RXRB: variants seen among roughly 807,000 people sequenced by gnomAD.
RXRB encodes the protein retinoic acid receptor RXR-beta.
Under a neutral mutation model 52.5 loss-of-function variants are expected in RXRB, and 18 were observed. The observed-to-expected ratio is 0.34, with a 90% CI of 0.24 to 0.51. The LOEUF is 0.51. Ranked by LOEUF, RXRB falls within the 20% of genes least tolerant of loss-of-function variation. The probability of loss-of-function intolerance (pLI) is 0.97; values close to 1 mark genes in which losing one functional copy is unlikely to be tolerated. For missense variants in RXRB, 455 were observed against 698.2 expected (o/e 0.65, Z 3.92); for synonymous variants, 233 against 267.1 (o/e 0.87, Z 1.25).
At chr6:33,200,826 A>G (rs749435836), upstream of RXRB, 40 of 1,508,128 alleles carry the variant, frequency 2.7e-5, 3 homozygotes, top group Middle Eastern at 6.9e-4. This position sits in a 1 kb window ranked among gnomAD's most constrained non-coding sequence, Gnocchi z 6.3. Flanking sequence ...GAGTGCCGCC[A>G]TATTGGTAAA....
intron 2 of RXRB, among the ~76,000 whole-genome samples, chr6:33,198,913 C>CAAAAA (rs9280361): frequency 4.0e-5 from 3 of 74,104 alleles, no homozygotes; most frequent in Admixed American, 1.5e-4. Context: ...GACTCCATCT[C>CAAAAA]AAAAAAAAAA....
At position 33,195,387 on chromosome 6, in the gene RXRB, T is replaced by G. The variant is rs936888047; in HGVS notation, c.1324A>C (p.Arg442=). The G allele has an allele frequency of 6.2e-7, 1 of 1,611,674 alleles. No homozygotes were observed. Among genetic ancestry groups the G allele is most frequent in the African/African-American group, 1.3e-5 (1 of 74,916 alleles). The change falls in exon 8 of 10, where the codon AGG becomes CGG. Residue 442 remains arginine (R), a synonymous_variant. Coordinates refer to ENST00000374680, the MANE Select transcript of RXRB (RefSeq NM_021976.5). This position sits in a 1 kb window ranked among gnomAD's most constrained non-coding sequence, Gnocchi z 8.6. ...RMDKTELGCL[R]AIILFNPDAK... ...CCTGGATTAAACAGAATGATTGCCC[T>G]CAGGCAGCCAAGCTCTGTCTTGTCC...
chr6:33,198,775 G>A (rs1315075740), intron 2 of RXRB: 5 of 496,638 alleles, frequency 1.0e-5, no homozygotes, highest in Admixed American at 6.3e-5. Context: ...TTAGCCGGGC[G>A]TGGTGGTAGG....
chr6:33,193,738 C>G lies in RXRB; in HGVS notation c.*944G>C, dbSNP rs1773608179. 1 of 152,218 alleles carries G rather than the reference C, an allele frequency of 6.6e-6. No individual in the cohort carries two copies. Among genetic ancestry groups the G allele is most frequent in the Non-Finnish European group, 1.5e-5 (1 of 68,062 alleles). 9.4% of individuals were successfully genotyped at this position (152,218 alleles called of 1,614,324 possible). A position where few individuals can be genotyped will look rare whatever the true frequency, so the allele number is the denominator to read the frequency against. On this transcript the variant is annotated 3_prime_UTR_variant, in exon 10 of 10. Coordinates refer to ENST00000374680, the MANE Select transcript of RXRB (RefSeq NM_021976.5). ...CTCCCCTCAATTCTCAGGCCAGGAT[C>G]CTGTGTCCCCAGCCTATGCTATGTG... is the stretch of plus-strand genomic sequence containing the variant.
Position 33,200,176 on chromosome 6 carries a change from G to T in RXRB, c.235+66C>A. On this transcript the variant is annotated intron_variant, in intron 1 of 9. Coordinates refer to ENST00000374680, the MANE Select transcript of RXRB (RefSeq NM_021976.5). This position sits in a 1 kb window ranked among gnomAD's most constrained non-coding sequence, Gnocchi z 6.3. Reference sequence around the variant, plus strand: ...CGCAAGGAAAAGAGCACCGGGGGAGGGTGTGGGGGAGGGGTCGCAGATAAA... The same window carrying T: ...CGCAAGGAAAAGAGCACCGGGGGAGTGTGTGGGGGAGGGGTCGCAGATAAA... 6.4e-7 allele frequency: 1 copy of T among 1,573,630 alleles called. No homozygotes were observed.
Position 33,200,221 on chromosome 6 carries a change from C to T in RXRB, c.235+21G>A. ...GATAAAGCGGTCACTGGCTCGCCTGCCCTTCTGCTGGGGCACTCACCCCGC... is the reference window on the plus strand; with the variant it reads ...GATAAAGCGGTCACTGGCTCGCCTGTCCTTCTGCTGGGGCACTCACCCCGC... On this transcript the variant is annotated intron_variant, in intron 1 of 9. Transcript: ENST00000374680. This position sits in a 1 kb window ranked among gnomAD's most constrained non-coding sequence, Gnocchi z 6.3. The T allele has an allele frequency of 1.2e-6, 2 of 1,602,826 alleles. No homozygotes were observed. Among genetic ancestry groups the T allele is most frequent in the Non-Finnish European group, 1.7e-6 (2 of 1,175,822 alleles).
chr6:33,195,925 C>T lies in RXRB; in HGVS notation c.1105G>A (p.Val369Ile), dbSNP rs1382351847. The T allele has an allele frequency of 6.2e-7, 1 of 1,612,860 alleles. No homozygotes were observed. The highest frequency in any genetic ancestry group is 1.1e-5 in the South Asian group (1 of 91,070). Reference sequence around the variant, plus strand: ...CACTGACCTGCCCGCAGCAATATGACCTGATCATCCAGAGGCAAGGAGGAA... The same window carrying T: ...CACTGACCTGCCCGCAGCAATATGATCTGATCATCCAGAGGCAAGGAGGAA... ...HFSSLPLDDQ[V>I]ILLRAGWNEL... Residue 369 changes from valine to isoleucine, a missense_variant, in exon 6 of 10, where the codon GTC becomes ATC. By Grantham distance (29) the Val-to-Ile change is conservative. Transcript: ENST00000374680. The surrounding 1 kb of genome is among the most constrained non-coding windows in gnomAD (Gnocchi z 8.6).
At position 33,196,299 on chromosome 6, in the gene RXRB, T is replaced by C; in HGVS notation, c.993+135A>G. On this transcript the variant is annotated intron_variant, in intron 5 of 9. Transcript: ENST00000374680. This position sits in a 1 kb window ranked among gnomAD's most constrained non-coding sequence, Gnocchi z 4.0. ...CACCTCAGATGTTTGAAAGACCTTG[T>C]TTGGCAGCACCTCCAGTCCCAAGTA... 3 of 1,058,662 alleles carry C rather than the reference T, an allele frequency of 2.8e-6. No homozygotes were observed. The highest frequency in any genetic ancestry group is 2.9e-6 in the Non-Finnish European group (2 of 682,700). 65.6% of individuals were successfully genotyped at this position (1,058,662 alleles called of 1,614,324 possible). A position where few individuals can be genotyped will look rare whatever the true frequency, so the allele number is the denominator to read the frequency against.
upstream of RXRB, chr6:33,200,757 C>G (rs1052936247): frequency 1.1e-5 from 17 of 1,541,660 alleles, no homozygotes; most frequent in Admixed American, 3.9e-5. This position sits in a 1 kb window ranked among gnomAD's most constrained non-coding sequence, Gnocchi z 6.3. Context: ...CCACCCTCCC[C>G]TCAAATCACC....
intron 2 of RXRB, 56 bp downstream of exon 2, chr6:33,199,111 TAC>T: frequency 8.1e-7 from 1 of 1,237,836 alleles, no homozygotes; most frequent in Non-Finnish European, 1.0e-6. Context: ...GATCTGGGGT[TAC>T]AAGGAAAACA....
chr6:33,194,548 G>A lies in RXRB; in HGVS notation c.*134C>T. On this transcript the variant is annotated 3_prime_UTR_variant, in exon 10 of 10. Transcript: ENST00000374680. This position sits in a 1 kb window ranked among gnomAD's most constrained non-coding sequence, Gnocchi z 4.1. The stretch of plus-strand genomic sequence containing the variant: ...CAAGCAGATCCCTTGGAGGGTTTAT[G>A]TTCTTGGTTCTGCCCTGTACTTCTC... The A allele has an allele frequency of 1.1e-6, 1 of 914,176 alleles. No individual in the cohort carries two copies. Among genetic ancestry groups the A allele is most frequent in the South Asian group, 1.9e-5 (1 of 52,786 alleles). 56.6% of individuals were successfully genotyped at this position (914,176 alleles called of 1,614,324 possible). A position where few individuals can be genotyped will look rare whatever the true frequency, so the allele number is the denominator to read the frequency against.
chr6:33,198,092 CCA>C lies in RXRB; in HGVS notation c.641-153_641-152del. 6 of 1,031,190 alleles carry C rather than the reference CCA, an allele frequency of 5.8e-6. No homozygotes were observed. In the South Asian group the frequency reaches 7.5e-5, roughly 13 times the overall value. 63.9% of individuals were successfully genotyped at this position (1,031,190 alleles called of 1,614,324 possible). On this transcript the variant is annotated intron_variant, in intron 3 of 9. Coordinates refer to ENST00000374680, the MANE Select transcript of RXRB (RefSeq NM_021976.5). ...CCAGGAGCTGAGTGATGATCCAGTC[CCA>C]GTCTCCTCACTGTTCAGAAACCCTA...
rs1252525269 is a variant in RXRB at position 33,196,218 on chromosome 6, C to G, written c.994-182G>C. On this transcript the variant is annotated intron_variant, in intron 5 of 9. Coordinates refer to ENST00000374680, the MANE Select transcript of RXRB (RefSeq NM_021976.5). The surrounding 1 kb of genome is among the most constrained non-coding windows in gnomAD (Gnocchi z 4.0). Reference sequence around the variant, plus strand: ...AAACAATTATTTATTTGGGACATGCCTATGGTTCTGCCAGTGGGTTGTTTG... The same window carrying G: ...AAACAATTATTTATTTGGGACATGCGTATGGTTCTGCCAGTGGGTTGTTTG... The G allele has an allele frequency of 3.2e-6, 3 of 944,288 alleles. No individual in the cohort carries two copies. The African/African-American group carries it at 4.9e-5, about 15-fold the overall frequency. 58.5% of individuals were successfully genotyped at this position (944,288 alleles called of 1,614,324 possible).
chr6:33,200,202 G>GCGGT lies in RXRB; in HGVS notation c.235+36_235+39dup, dbSNP rs1562422744. 1.3e-6 allele frequency: 2 copies of GCGGT among 1,598,142 alleles called. No homozygotes were observed. The highest frequency in any genetic ancestry group is 8.5e-7 in the Non-Finnish European group (1 of 1,172,732). ...GTGTGGGGGAGGGGTCGCAGATAAAGCGGTCACTGGCTCGCCTGCCCTTCT... is the reference window on the plus strand; with the variant it reads ...GTGTGGGGGAGGGGTCGCAGATAAAGCGGTCGGTCACTGGCTCGCCTGCCCTTCT... On this transcript the variant is annotated intron_variant, in intron 1 of 9. Transcript: ENST00000374680. This position sits in a 1 kb window ranked among gnomAD's most constrained non-coding sequence, Gnocchi z 6.3.
chr6:33,197,822 G>A lies in RXRB; in HGVS notation c.760C>T (p.Arg254Trp). ...TAGCGGCAGTACTGACAGCGGTTCC[G>A]CTGGCGCTTGTCCACTGTGCAGTCT... is the stretch of plus-strand genomic sequence containing the variant. ...NKDCTVDKRQ[R>W]NRCQYCRYQK... Residue 254 changes from arginine (R) to tryptophan (W), a missense_variant, in exon 4 of 10, where the codon CGG (arginine) becomes TGG (tryptophan). Around this residue, in one of 4 missense-constraint regions of RXRB, gnomAD observed 100 missense variants for 141.9 expected, o/e 0.70. Coordinates refer to ENST00000374680, the MANE Select transcript of RXRB (RefSeq NM_021976.5). This position sits in a 1 kb window ranked among gnomAD's most constrained non-coding sequence, Gnocchi z 4.4. 3 of 1,613,942 alleles carry A rather than the reference G, an allele frequency of 1.9e-6. No homozygotes were observed. Among genetic ancestry groups the A allele is most frequent in the Non-Finnish European group, 2.5e-6 (3 of 1,180,024 alleles).
Position 33,199,418 on chromosome 6 carries a change from T to C in RXRB, c.236-2A>G. ...AGGAGCTGTCTGGGCTTCGGGAGTCTGAGGGAGGGGTATGTACAGGCACAC... is the reference window on the plus strand; with the variant it reads ...AGGAGCTGTCTGGGCTTCGGGAGTCCGAGGGAGGGGTATGTACAGGCACAC... On this transcript the variant is annotated splice_acceptor_variant, in intron 1 of 9. Transcript: ENST00000374680. LOFTEE classifies it high-confidence loss of function. The C allele has an allele frequency of 1.6e-6, 2 of 1,252,322 alleles. No individual in the cohort carries two copies. Among genetic ancestry groups the C allele is most frequent in the Non-Finnish European group, 2.0e-6 (2 of 990,384 alleles). 77.6% of individuals were successfully genotyped at this position (1,252,322 alleles called of 1,614,324 possible).
In RXRB at chr6:33,199,320, G is replaced by A. The variant is rs1437474716; in HGVS notation, c.332C>T (p.Pro111Leu). Residue 111 changes from proline (P) to leucine (L), a missense_variant, in exon 2 of 10, where the codon CCA (proline) becomes CTA (leucine). Physicochemically the swap from Pro to Leu is moderately conservative, Grantham distance 98 (BLOSUM62 -3). Coordinates refer to ENST00000374680, the MANE Select transcript of RXRB (RefSeq NM_021976.5). Reference protein sequence around the residue: ...PGPPLPPSTAPSLGGSGAPPP... With the variant: ...PGPPLPPSTALSLGGSGAPPP... ...TGGGGCCCCAGAGCCTCCAAGGGAT[G>A]GAGCTGTTGAAGGGGGTAGGGGTGG... The A allele has an allele frequency of 4.2e-6, 5 of 1,185,548 alleles. No homozygotes were observed. The highest frequency in any genetic ancestry group is 8.3e-5 in the Admixed American group (2 of 24,000). 73.4% of individuals were successfully genotyped at this position (1,185,548 alleles called of 1,614,324 possible). A position where few individuals can be genotyped will look rare whatever the true frequency, so the allele number is the denominator to read the frequency against.
rs776428083 is a variant in RXRB at position 33,196,799 on chromosome 6, C to T, written c.821-193G>A. Among the ~76,000 whole-genome samples the T allele has an allele frequency of 1.3e-5, 2 of 151,404 alleles. No homozygotes were observed. Among genetic ancestry groups the T allele is most frequent in the African/African-American group, 4.9e-5 (2 of 41,116 alleles). On this transcript the variant is annotated intron_variant, in intron 4 of 9. Transcript: ENST00000374680. This position sits in a 1 kb window ranked among gnomAD's most constrained non-coding sequence, Gnocchi z 4.0. ...GTTATAAAAGGGCAGGTAAGTCAGT[C>T]GGGAAGGGTGAGGTAGGTAAAAGAA...
In RXRB at chr6:33,195,135, C is replaced by G; in HGVS notation, c.1349-85G>C. On this transcript the variant is annotated intron_variant, in intron 8 of 9. Coordinates refer to ENST00000374680, the MANE Select transcript of RXRB (RefSeq NM_021976.5). The surrounding 1 kb of genome is among the most constrained non-coding windows in gnomAD (Gnocchi z 8.6). ...ATGCAGATGTGAGCCACAGGATGCC[C>G]CTTTTGGGCTGCACTTGCTTGCCCT... The G allele has an allele frequency of 9.6e-7, 1 of 1,038,114 alleles. No individual in the cohort carries two copies. The highest frequency in any genetic ancestry group is 1.3e-5 in the South Asian group (1 of 76,492). 64.3% of individuals were successfully genotyped at this position (1,038,114 alleles called of 1,614,324 possible).
Sources: allele counts gnomAD v4.1 joint callset (sites outside exome capture counted in the v4.1 genomes callset), GRCh38; gene constraint gnomAD v4.1.1; regional missense constraint gnomAD v4.1.1; non-coding constraint Gnocchi (gnomAD v3.1); transcripts MANE v1.5; gene names NCBI Gene and HGNC (gene_info 2026-07-23, HGNC 2026-07-21).